The following ZNF846 variants were observed in gnomAD, a reference collection of about 807,000 sequenced individuals.
ZNF846 encodes the protein zinc finger protein 846.
Under a neutral mutation model 16.0 loss-of-function variants are expected in ZNF846, and 15 were observed. The observed-to-expected ratio is 0.94, with a 90% confidence interval of 0.63 to 1.45. The LOEUF is 1.45. Ranked by LOEUF, ZNF846 falls within the 40% of genes most tolerant of loss-of-function variation. The pLI, the probability that ZNF846 is intolerant of heterozygous loss-of-function variation, is 0.00. For missense variants in ZNF846, 714 were observed against 622.3 expected (o/e 1.15, Z -1.57); for synonymous variants, 229 against 212.0 (o/e 1.08, Z -0.70).
chr19:9,764,429 A>ATACTGTACTTCTACATACAAATG (rs1463000408), intron 2 of ZNF846, among the ~76,000 whole-genome samples: 2 of 152,214 alleles, frequency 1.3e-5, no homozygotes, highest in African/African-American at 4.8e-5. Flanking sequence ...TTGTCTCTGT[A>ATACTGTACTTCTACATACAAATG]TACTGTACTT....
chr19:9,777,643 C>G (rs892601731), intron 1 of ZNF846, among the ~76,000 whole-genome samples: 1 of 146,204 alleles, frequency 6.8e-6, no homozygotes, highest in African/African-American at 2.7e-5. Context: ...TGCATTCCAG[C>G]CTGGCAACAA....
intron 1 of ZNF846, among the ~76,000 whole-genome samples, chr19:9,777,867 T>A (rs573626559): frequency 6.6e-6 from 1 of 152,068 alleles, no homozygotes; most frequent in South Asian, 2.1e-4. Flanking sequence ...GACTAAAACT[T>A]GAGTTTGACA....
At chr19:9,770,271 C>T (rs2045378676), upstream of ZNF846, among the ~76,000 whole-genome samples, 1 of 144,514 alleles carries the variant, frequency 6.9e-6, no homozygotes, top group Non-Finnish European at 1.5e-5. Flanking sequence ...GAGTCCAAAG[C>T]AACAGCTAAT....
At chr19:9,755,933 T>C (rs111232252), downstream of ZNF846, among the ~76,000 whole-genome samples, 15,556 of 141,170 alleles carry the variant, frequency 0.11, 1,420 homozygotes, top group African/African-American at 0.22. Context: ...CTCTGTCTCC[T>C]GGGTTCACAC....
chr19:9,756,327 A>ATGTGTG (rs1180429035), downstream of ZNF846: 105 of 106,078 alleles, frequency 9.9e-4, 5 homozygotes, highest in African/African-American at 4.1e-3. Context: ...GTGCATATAT[A>ATGTGTG]TGTGTGTGTG....
chr19:9,754,071 CAT>C (rs1456506050), downstream of ZNF846, among the ~76,000 whole-genome samples: 7 of 151,446 alleles, frequency 4.6e-5, no homozygotes, highest in Non-Finnish European at 7.4e-5. Context: ...ATGTTTGATA[CAT>C]ATAATTTTTT....
At chr19:9,767,109 G>C (rs571033729) in intron 1 of ZNF846, among the ~76,000 whole-genome samples, 66 of 151,698 alleles carry the variant, frequency 4.4e-4, no homozygotes, top group African/African-American at 1.5e-3. Context: ...TTACAGGGGT[G>C]AGCCACTGTG....
At chr19:9,750,528 C>A (rs941148525), downstream of ZNF846, among the ~76,000 whole-genome samples, 6 of 152,138 alleles carry the variant, frequency 3.9e-5, no homozygotes, top group African/African-American at 1.4e-4. Context: ...TCTTATTTTT[C>A]TGTGGTTCTT....
downstream of ZNF846, among the ~76,000 whole-genome samples, chr19:9,749,433 A>G (rs970522838): frequency 1.3e-5 from 2 of 151,932 alleles, no homozygotes; most frequent in Non-Finnish European, 2.9e-5. Context: ...CCAAGTCACC[A>G]TAACTGATAT....
intron 1 of ZNF846, among the ~76,000 whole-genome samples, chr19:9,780,049 TTTTTTTTTTTG>T (rs1378330595): frequency 1.2e-5 from 1 of 84,430 alleles, no homozygotes; most frequent in African/African-American, 5.4e-5. Context: ...GCTAATTTTG[TTTTTTTTTTTG>T]TTTTTTTTTT....
downstream of ZNF846, among the ~76,000 whole-genome samples, chr19:9,754,649 G>A (rs971804768): frequency 1.4e-5 from 2 of 148,100 alleles, no homozygotes; most frequent in African/African-American, 2.5e-5. Flanking sequence ...TATGCCATTA[G>A]ATTGGAGAAG....
chr19:9,774,647 T>G, intron 1 of ZNF846: 1 of 1,455,884 alleles, frequency 6.9e-7, no homozygotes. Flanking sequence ...TTAGGTGACC[T>G]TCAGAATCGA....
At chr19:9,776,630 G>A (rs955002893) in intron 1 of ZNF846, among the ~76,000 whole-genome samples, 4 of 152,160 alleles carry the variant, frequency 2.6e-5, no homozygotes, top group Admixed American at 6.5e-5. Flanking sequence ...GGCCACTACC[G>A]GTCTCCGTGC....
Position 9,764,772 on chromosome 19 carries a change from G to A in ZNF846, c.15+164C>T, listed in dbSNP as rs1443490726. On this transcript the variant is annotated intron_variant, in intron 2 of 5. Transcript: ENST00000397902. ...GCAATACACTTCCATTGCAATCTCT[G>A]TACAACCTGAGATGGCTTGGTTCCT... is the stretch of plus-strand genomic sequence containing the variant. 3 of 788,446 alleles carry A rather than the reference G, an allele frequency of 3.8e-6. No homozygotes were observed. In the African/African-American group the frequency reaches 5.1e-5, roughly 13 times the overall value. 48.8% of individuals were successfully genotyped at this position (788,446 alleles called of 1,614,324 possible).
At chr19:9,749,546 C>CTTTTTTTTT (rs60331343), downstream of ZNF846, among the ~76,000 whole-genome samples, 2 of 125,562 alleles carry the variant, frequency 1.6e-5, no homozygotes, top group Non-Finnish European at 3.3e-5. Context: ...ATAAGTCTTT[C>CTTTTTTTTT]TTTTTTTTTT....
intron 1 of ZNF846, among the ~76,000 whole-genome samples, chr19:9,783,526 TAAAAA>T (rs1161223088): frequency 3.2e-4 from 34 of 106,176 alleles, no homozygotes; most frequent in East Asian, 8.8e-4. Flanking sequence ...GTCTCATCAC[TAAAAA>T]AAAAAAAAAA....
At chr19:9,769,242 C>G (rs2045367492), upstream of ZNF846, among the ~76,000 whole-genome samples, 3 of 151,762 alleles carry the variant, frequency 2.0e-5, no homozygotes. Context: ...GCCCATCACG[C>G]CCAGCTAAGT....
chr19:9,762,045 A>G, intron 4 of ZNF846, 37 bp downstream of exon 4: 3 of 1,504,646 alleles, frequency 2.0e-6, no homozygotes, highest in Non-Finnish European at 2.8e-6. Flanking sequence ...AGGGTGGCAC[A>G]GCAGTGCCAT....
chr19:9,749,552 T>C (rs902035139), downstream of ZNF846, among the ~76,000 whole-genome samples: 31 of 150,670 alleles, frequency 2.1e-4, no homozygotes, highest in African/African-American at 7.3e-4. Context: ...CTTTCTTTTT[T>C]TTTTTTTTTT....
Sources: gnomAD v4.1 joint callset for allele counts (sites outside exome capture counted in the v4.1 genomes callset) on GRCh38, gnomAD v4.1.1 for gene constraint, MANE v1.5 for transcripts, NCBI Gene and HGNC (gene_info 2026-07-23, HGNC 2026-07-21) for gene names.